FNBP1: variants seen among roughly 807,000 people sequenced by gnomAD.
FNBP1 encodes the protein formin-binding protein 1.
Under a neutral mutation model 90.6 loss-of-function variants are expected in FNBP1, and 26 were observed. That is an observed-to-expected ratio of 0.29 (90% CI 0.21 to 0.40). The LOEUF (loss-of-function observed/expected upper bound fraction) is 0.40, where lower values mean the gene tolerates loss of function less well. Among genes scored for constraint, FNBP1 ranks in the 10% least tolerant of loss-of-function variants. FNBP1 has a pLI of 1.00. For missense variants in FNBP1, 635 were observed against 768.0 expected, an observed-to-expected ratio of 0.83 and a Z score of 2.05; for synonymous variants, 260 against 265.2, an observed-to-expected ratio of 0.98 and a Z score of 0.19.
intron 16 of FNBP1, among the ~76,000 whole-genome samples, chr9:129,894,040 T>G (rs1434490297): frequency 6.6e-6 from 1 of 151,924 alleles, no homozygotes; most frequent in Non-Finnish European, 1.5e-5. Context: ...AGAGCCCGAA[T>G]GTGCAGCTAC....
intron 1 of FNBP1, among the ~76,000 whole-genome samples, chr9:130,018,636 G>C (rs1408220758): frequency 6.6e-6 from 1 of 151,932 alleles, no homozygotes; most frequent in East Asian, 1.9e-4. Flanking sequence ...CGTGATCTCA[G>C]CTCACTATGC....
intron 6 of FNBP1, among the ~76,000 whole-genome samples, chr9:129,948,391 C>CTT (rs2045668878): frequency 2.7e-5 from 1 of 37,240 alleles, no homozygotes; most frequent in East Asian, 9.3e-4. Context: ...TTGAGATGGA[C>CTT]TTTTGCTCTG....
intron 2 of FNBP1, among the ~76,000 whole-genome samples, chr9:129,985,352 A>AT (rs1386767832): frequency 2.0e-5 from 3 of 152,186 alleles, no homozygotes; most frequent in Admixed American, 6.5e-5. Flanking sequence ...GCAACCTTAT[A>AT]AGGTGAGAAT....
intron 6 of FNBP1, among the ~76,000 whole-genome samples, chr9:129,939,052 A>C (rs2043928518): frequency 6.6e-6 from 1 of 152,176 alleles, no homozygotes; most frequent in South Asian, 2.1e-4. Flanking sequence ...ATCTCGGCTC[A>C]CTGCAACCTC....
chr9:129,978,405 G>A, intron 4 of FNBP1, 60 bp downstream of exon 4: 1 of 1,341,374 alleles, frequency 7.5e-7, no homozygotes, highest in South Asian at 1.2e-5. Context: ...AATCTTCTAG[G>A]GATATTCCCA....
the FNBP1 span, chr9:130,053,717 C>T: frequency 2.1e-5 from 12 of 578,954 alleles, no homozygotes; most frequent in Admixed American, 3.1e-5. Flanking sequence ...GGCTTCATCT[C>T]TAACTGAAAG....
intron 11 of FNBP1, among the ~76,000 whole-genome samples, chr9:129,913,606 A>C (rs552649227): frequency 3.3e-5 from 5 of 152,066 alleles, no homozygotes; most frequent in African/African-American, 1.2e-4. Flanking sequence ...CCCCGTCTCT[A>C]CTAAAAATAC....
chr9:130,010,553 C>T (rs1225157151), intron 1 of FNBP1, among the ~76,000 whole-genome samples: 1 of 152,098 alleles, frequency 6.6e-6, no homozygotes, highest in Admixed American at 6.6e-5. Context: ...CCACTGCACC[C>T]GGCTCCCTCC....
intron 1 of FNBP1, among the ~76,000 whole-genome samples, chr9:130,040,242 C>T (rs1234347337): frequency 6.6e-6 from 1 of 152,112 alleles, no homozygotes; most frequent in Non-Finnish European, 1.5e-5. Context: ...TTGCATTTCT[C>T]TTAGTAGCAC....
chr9:129,936,960 A>C (rs1304744196), intron 6 of FNBP1, among the ~76,000 whole-genome samples: 1 of 152,128 alleles, frequency 6.6e-6, no homozygotes, highest in African/African-American at 2.4e-5. Context: ...ACCTGAGGTC[A>C]AGAGTTCGAG....
intron 1 of FNBP1, among the ~76,000 whole-genome samples, chr9:130,000,799 G>C (rs1023143269): frequency 1.3e-5 from 2 of 152,090 alleles, no homozygotes; most frequent in African/African-American, 2.4e-5. Context: ...GAAAATGTTT[G>C]CCAGATACTC....
intron 6 of FNBP1, among the ~76,000 whole-genome samples, chr9:129,939,894 T>C (rs1458957486): frequency 1.3e-5 from 2 of 151,694 alleles, no homozygotes; most frequent in Admixed American, 6.6e-5. Context: ...AAAAGAACAA[T>C]GTGAAAGAAA....
At chr9:130,032,378 C>G (rs1030862836) in intron 1 of FNBP1, among the ~76,000 whole-genome samples, 1 of 152,018 alleles carries the variant, frequency 6.6e-6, no homozygotes, top group African/African-American at 2.4e-5. Context: ...AGTATGTTAC[C>G]CAGGCTGGTC....
At chr9:129,924,645 A>T (rs1401988353) in intron 9 of FNBP1, among the ~76,000 whole-genome samples, 1 of 152,170 alleles carries the variant, frequency 6.6e-6, no homozygotes, top group Admixed American at 6.6e-5. Context: ...GTCCCACTAC[A>T]TCCTCTCTCC....
chr9:129,893,787 A>G (rs1321296601), intron 16 of FNBP1, among the ~76,000 whole-genome samples: 14 of 150,918 alleles, frequency 9.3e-5, no homozygotes, highest in Admixed American at 4.0e-4. Flanking sequence ...ATGGTGGCAC[A>G]CGCCTGTAGT....
At chr9:130,010,566 T>A (rs1296189979) in intron 1 of FNBP1, among the ~76,000 whole-genome samples, 1 of 152,130 alleles carries the variant, frequency 6.6e-6, no homozygotes, top group Non-Finnish European at 1.5e-5. Context: ...CTCCCTCCTC[T>A]TCTTTACTTG....
intron 6 of FNBP1, among the ~76,000 whole-genome samples, chr9:129,950,619 C>T (rs1425141804): frequency 6.6e-6 from 1 of 152,164 alleles, no homozygotes; most frequent in Non-Finnish European, 1.5e-5. Context: ...AGTCCAAACC[C>T]TAAGTTGAAA....
intron 16 of FNBP1, among the ~76,000 whole-genome samples, chr9:129,893,637 A>AAAAAGAAAG (rs56397008): frequency 1.6e-5 from 1 of 62,226 alleles, no homozygotes; most frequent in African/African-American, 9.1e-5. Flanking sequence ...AAAAAAAAAA[A>AAAAAGAAAG]GCCAGGCACG....
intron 1 of FNBP1, among the ~76,000 whole-genome samples, chr9:130,012,008 A>G (rs960750639): frequency 1.3e-5 from 2 of 152,216 alleles, no homozygotes; most frequent in Non-Finnish European, 1.5e-5. Flanking sequence ...GACTTATTCT[A>G]AAGTTAATTA....
Sources: gnomAD v4.1 joint callset for allele counts (sites outside exome capture counted in the v4.1 genomes callset) on GRCh38, gnomAD v4.1.1 for gene constraint, MANE v1.5 for transcripts, NCBI Gene and HGNC (gene_info 2026-07-23, HGNC 2026-07-21) for gene names.